Variants in PXDNL observed in about 807,000 individuals in gnomAD.
The protein encoded by PXDNL is probable oxidoreductase PXDNL.
In PXDNL, 145 loss-of-function variants were observed where a neutral mutation model predicts 150.8. The ratio of observed to expected loss-of-function variants is 0.96; its 90% CI spans 0.84 to 1.10. PXDNL has a LOEUF of 1.10. Among genes scored for constraint, PXDNL ranks in the 50% least tolerant of loss-of-function variants. PXDNL has a pLI of 0.00. For synonymous variants in PXDNL, 757 were observed against 725.7 expected (o/e 1.04, Z -0.69); for missense variants, 2,087 against 1,873.9 (o/e 1.11, Z -2.10).
At chr8:51,360,936 C>T (rs1461770796) in intron 19 of PXDNL, among the ~76,000 whole-genome samples, 1 of 152,200 alleles carries the variant, frequency 6.6e-6, no homozygotes, top group Non-Finnish European at 1.5e-5. Flanking sequence ...TCTTAATTCA[C>T]AAATCATTCT....
chr8:51,396,012 T>C (rs1272938779), intron 17 of PXDNL, among the ~76,000 whole-genome samples: 1 of 152,192 alleles, frequency 6.6e-6, no homozygotes, highest in Admixed American at 6.5e-5. Flanking sequence ...TATGACTACT[T>C]ACACCTCTCT....
rs191047782 is a variant in PXDNL at position 51,708,689 on chromosome 8, T to C, written c.165-53929A>G. On this transcript the variant is annotated intron_variant, in intron 1 of 22. Coordinates refer to ENST00000356297, the MANE Select transcript of PXDNL (RefSeq NM_144651.5). ...TCCTTGAAGAAGAGAACCGAATCTA[T>C]GGGAAAGAATGCTCAAAAACATGAT... Among the ~76,000 whole-genome samples, 170 of 152,270 alleles carry C rather than the reference T, an allele frequency of 1.1e-3. 1 individual carries two copies. The highest frequency in any genetic ancestry group is 0.01 in the Middle Eastern group (3 of 294).
At chr8:51,378,857 G>A (rs1371060490) in intron 17 of PXDNL, among the ~76,000 whole-genome samples, 1 of 152,122 alleles carries the variant, frequency 6.6e-6, no homozygotes, top group Non-Finnish European at 1.5e-5. Flanking sequence ...GAACATGTTC[G>A]AACATCAGAA....
In PXDNL at chr8:51,453,810, G is replaced by A. The variant is rs771645867; in HGVS notation, c.983-25C>T. On this transcript the variant is annotated intron_variant, in intron 9 of 22. Transcript: ENST00000356297. The stretch of plus-strand genomic sequence containing the variant: ...GCTGATGGTAAAGGGGGAACAAAAC[G>A]AAATCCAGCAAGTAGCAGTTAGGAA... The A allele has an allele frequency of 1.3e-5, 21 of 1,607,428 alleles. No individual in the cohort carries two copies. In the South Asian group the frequency reaches 1.8e-4, roughly 14 times the overall value.
chr8:51,499,577 A>AGGTACAG, intron 5 of PXDNL, 122 bp downstream of exon 5: 1 of 663,796 alleles, frequency 1.5e-6, no homozygotes, highest in East Asian at 2.6e-5. Flanking sequence ...TGTAGTGCCA[A>AGGTACAG]GGTACAGGCT....
chr8:51,570,634 C>A (rs538043917), intron 3 of PXDNL, among the ~76,000 whole-genome samples: 200 of 151,936 alleles, frequency 1.3e-3, no homozygotes, highest in African/African-American at 4.6e-3. Flanking sequence ...TTATTTTTAA[C>A]AATACTACCA....
intron 1 of PXDNL, among the ~76,000 whole-genome samples, chr8:51,785,780 T>C (rs1000939118): frequency 6.6e-6 from 1 of 152,152 alleles, no homozygotes; most frequent in Admixed American, 6.5e-5. Context: ...GTATTGAAAT[T>C]AGACCAACTA....
intron 1 of PXDNL, among the ~76,000 whole-genome samples, chr8:51,757,438 A>G (rs1230227705): frequency 6.6e-6 from 1 of 152,230 alleles, no homozygotes; most frequent in Admixed American, 6.5e-5. Context: ...CAGCTGGCCC[A>G]GCTGCCTTTG....
At chr8:51,448,962 A>G in intron 11 of PXDNL, 40 bp downstream of exon 11, 1 of 1,011,896 alleles carries the variant, frequency 9.9e-7, no homozygotes. Flanking sequence ...AAAAGAAGGC[A>G]CTTATTTTTC....
intron 19 of PXDNL, among the ~76,000 whole-genome samples, chr8:51,369,978 TG>T (rs1418766600): frequency 6.6e-6 from 1 of 152,136 alleles, no homozygotes; most frequent in East Asian, 1.9e-4. Flanking sequence ...CTGCCCTTGG[TG>T]GGGGCCTGCT....
In PXDNL at chr8:51,540,034, G is replaced by A. The variant is rs573122837; in HGVS notation, c.380+16806C>T. On this transcript the variant is annotated intron_variant, in intron 4 of 22. Coordinates refer to ENST00000356297, the MANE Select transcript of PXDNL (RefSeq NM_144651.5). ...GCCTCTCAGGTCTTCTGAGTACTGGGACTACAGGTGCACACCACCATGACA... is the reference window on the plus strand; with the variant it reads ...GCCTCTCAGGTCTTCTGAGTACTGGAACTACAGGTGCACACCACCATGACA... Among the ~76,000 whole-genome samples the A allele has an allele frequency of 9.9e-5, 15 of 151,818 alleles. No homozygotes were observed. The Middle Eastern group carries it at 0.01, about 103-fold the overall frequency.
intron 1 of PXDNL, among the ~76,000 whole-genome samples, chr8:51,763,387 C>T (rs931854873): frequency 2.7e-5 from 4 of 149,972 alleles, no homozygotes; most frequent in African/African-American, 4.9e-5. Flanking sequence ...GGAAAAGGGA[C>T]GAAGCCCCAG....
chr8:51,477,884 T>C (rs1329027727), intron 6 of PXDNL, among the ~76,000 whole-genome samples: 1 of 152,132 alleles, frequency 6.6e-6, no homozygotes, highest in Non-Finnish European at 1.5e-5. Flanking sequence ...TTCTTTCTAA[T>C]TATTATTTTC....
At chr8:51,466,913 G>T (rs891044830) in intron 8 of PXDNL, among the ~76,000 whole-genome samples, 1 of 152,182 alleles carries the variant, frequency 6.6e-6, no homozygotes, top group African/African-American at 2.4e-5. Context: ...TGTTGGGGCT[G>T]CAGAGAAAAG....
At chr8:51,581,295 T>C (rs2130626585) in intron 3 of PXDNL, among the ~76,000 whole-genome samples, 1 of 152,122 alleles carries the variant, frequency 6.6e-6, no homozygotes, top group Non-Finnish European at 1.5e-5. Context: ...AAGACCAGCA[T>C]GGACAACATG....
At chr8:51,704,308 G>A (rs1816318840) in intron 1 of PXDNL, among the ~76,000 whole-genome samples, 1 of 152,300 alleles carries the variant, frequency 6.6e-6, no homozygotes, top group Non-Finnish European at 1.5e-5. Flanking sequence ...GTGGATGTGT[G>A]TAGTAGCAGT....
intron 19 of PXDNL, among the ~76,000 whole-genome samples, chr8:51,359,819 G>A (rs6989113): frequency 0.03 from 4,576 of 152,048 alleles, 223 homozygotes; most frequent in African/African-American, 0.11. Flanking sequence ...GGCACCTATC[G>A]CACCTATCCA....
chr8:51,729,240 C>A (rs1379561220), intron 1 of PXDNL, among the ~76,000 whole-genome samples: 1 of 151,936 alleles, frequency 6.6e-6, no homozygotes, highest in African/African-American at 2.4e-5. Flanking sequence ...AAGTGACAGA[C>A]TGAAAGAAAA....
intron 17 of PXDNL, among the ~76,000 whole-genome samples, chr8:51,397,746 G>A (rs900741191): frequency 6.6e-6 from 1 of 152,096 alleles, no homozygotes; most frequent in African/African-American, 2.4e-5. Flanking sequence ...GGTCTAAGTA[G>A]GGAGAGGCCT....
Sources: allele counts gnomAD v4.1 joint callset (sites outside exome capture counted in the v4.1 genomes callset), GRCh38; gene constraint gnomAD v4.1.1; transcripts MANE v1.5; gene names NCBI Gene and HGNC (gene_info 2026-07-23, HGNC 2026-07-21).